RAPGEF2: variants seen among roughly 807,000 people sequenced by gnomAD.
RAPGEF2 encodes the protein Rap guanine nucleotide exchange factor 2.
A neutral mutation model predicts 186.7 loss-of-function variants in RAPGEF2; 54 were observed. The ratio of observed to expected loss-of-function variants is 0.29; its 90% CI spans 0.23 to 0.36. The LOEUF is 0.36. Ranked by LOEUF, RAPGEF2 falls within the 10% of genes least tolerant of loss-of-function variation. The pLI is 1.00. For missense variants in RAPGEF2, 1,532 were observed against 2,045.0 expected (o/e 0.75, Z 4.84); for synonymous variants, 712 against 705.9 (o/e 1.01, Z -0.14).
At chr4:159,290,513 A>T (rs1579786445) in intron 7 of RAPGEF2, among the ~76,000 whole-genome samples, 1 of 152,236 alleles carries the variant, frequency 6.6e-6, no homozygotes, top group East Asian at 1.9e-4. Flanking sequence ...GAAGTTGAGG[A>T]AGGTAAACCA....
At position 159,343,163 on chromosome 4, in the gene RAPGEF2, A is replaced by T. The variant is rs774347839; in HGVS notation, c.3103A>T (p.Lys1035Ter). Residue 1035 changes from lysine to a stop codon, truncating the protein, a stop_gained, in exon 21 of 30, where the codon AAA becomes TAA. Coordinates refer to ENST00000691494, the MANE Select transcript of RAPGEF2 (RefSeq NM_001394067.2). LOFTEE classifies it high-confidence loss of function. ...CATAATCCCTCTATTCCCAGTTATC[A>T]AAAAGGATCTCACCTTCCTTCACGA... The part of the protein sequence containing the change: ...PPIIPLFPVI[K>*]KDLTFLHEGN... The T allele has an allele frequency of 6.2e-7, 1 of 1,614,134 alleles. No homozygotes were observed. Among genetic ancestry groups the T allele is most frequent in the Non-Finnish European group, 8.5e-7 (1 of 1,179,960 alleles).
At chr4:159,247,703 G>A (rs996500842) in intron 7 of RAPGEF2, among the ~76,000 whole-genome samples, 2 of 151,530 alleles carry the variant, frequency 1.3e-5, no homozygotes, top group Admixed American at 6.6e-5. Context: ...AAGAATGAAA[G>A]GTGAGGGATT....
chr4:159,352,852 C>T lies in RAPGEF2; in HGVS notation c.4033C>T (p.Leu1345=). 1 of 1,614,188 alleles carries T rather than the reference C, an allele frequency of 6.2e-7. No individual in the cohort carries two copies. Residue 1345 remains leucine, a synonymous_variant, in exon 27 of 30, where the codon CTA becomes TTA. Transcript: ENST00000691494. ...RHSVSIVETN[L]GMGRMERRTM... is the part of the protein sequence containing the mutation. ...TTCTGTCAGCATCGTGGAAACAAAC[C>T]TAGGGATGGGCAGGATGGAGAGGCG...
chr4:159,263,724 G>A (rs1757130880), intron 7 of RAPGEF2, among the ~76,000 whole-genome samples: 1 of 151,952 alleles, frequency 6.6e-6, no homozygotes, highest in Admixed American at 6.6e-5. Context: ...TGAGATCTAT[G>A]GTTAAACACT....
chr4:159,198,924 A>C (rs1413129310), intron 3 of RAPGEF2, among the ~76,000 whole-genome samples: 1 of 151,826 alleles, frequency 6.6e-6, no homozygotes, highest in African/African-American at 2.4e-5. Flanking sequence ...TACTAAAAAT[A>C]CAAAAATTAG....
chr4:159,104,307 CCTT>C, intron 1 of RAPGEF2, 76 bp downstream of exon 1: 1 of 688,170 alleles, frequency 1.5e-6, no homozygotes, highest in Non-Finnish European at 2.2e-6. Context: ...CCCCCCACCT[CCTT>C]CCTGACACAG....
rs1767889719 is a variant in RAPGEF2, at chr4:159,339,202, G to A, written c.2382G>A (p.Val794=). The A allele has an allele frequency of 6.2e-7, 1 of 1,614,140 alleles. No individual in the cohort carries two copies. Among genetic ancestry groups the A allele is most frequent in the Non-Finnish European group, 8.5e-7 (1 of 1,180,010 alleles). ...GTAAGGACACTACAGCAAAGGAAGTGGTCATTCAGGCTATCAGGGAGTTTG... is the reference window on the plus strand; with the variant it reads ...GTAAGGACACTACAGCAAAGGAAGTAGTCATTCAGGCTATCAGGGAGTTTG... The part of the protein sequence containing the change: ...MISKDTTAKE[V]VIQAIREFAV... Residue 794 remains valine (V), a synonymous_variant, in exon 19 of 30, where the codon GTG becomes GTA. Transcript: ENST00000691494.
chr4:159,158,021 C>A (rs1393276371), intron 1 of RAPGEF2, among the ~76,000 whole-genome samples: 2 of 151,948 alleles, frequency 1.3e-5, no homozygotes, highest in Non-Finnish European at 2.9e-5. Context: ...GGGTGTACTT[C>A]TAATTTTGGT....
In RAPGEF2 at chr4:159,358,337, C is replaced by G. The variant is rs1447860973; in HGVS notation, c.*198C>G. 1 of 561,252 alleles carries G rather than the reference C, an allele frequency of 1.8e-6. No individual in the cohort carries two copies. The highest frequency in any genetic ancestry group is 3.1e-6 in the Non-Finnish European group (1 of 319,912). The allele number at this position is 561,252 out of a possible 1,614,324, so 34.8% of individuals were successfully genotyped here. On this transcript the variant is annotated 3_prime_UTR_variant, in exon 30 of 30. Transcript: ENST00000691494. ...ATGTGAAATACTGTGAAGAAATTGC[C>G]CTGGCACTTTTCAGACTTTGTTGCT...
chr4:159,258,788 A>G (rs549682550), intron 7 of RAPGEF2, among the ~76,000 whole-genome samples: 1 of 152,282 alleles, frequency 6.6e-6, no homozygotes, highest in South Asian at 2.1e-4. Flanking sequence ...CTTTGGATCA[A>G]ACTTGCAAAA....
chr4:159,270,128 T>C (rs944433731), intron 7 of RAPGEF2, among the ~76,000 whole-genome samples: 1 of 152,226 alleles, frequency 6.6e-6, no homozygotes, highest in Non-Finnish European at 1.5e-5. Context: ...TGGTTAGAAC[T>C]TGAAATACTA....
intron 9 of RAPGEF2, among the ~76,000 whole-genome samples, chr4:159,321,759 G>A (rs1765260596): frequency 6.6e-6 from 1 of 152,166 alleles, no homozygotes; most frequent in Non-Finnish European, 1.5e-5. Context: ...ATTCCCATAG[G>A]AAAGAAGAGT....
Position 159,264,585 on chromosome 4 carries a change from A to G in RAPGEF2, c.543+20794A>G, listed in dbSNP as rs74516434. On this transcript the variant is annotated intron_variant, in intron 7 of 29. Coordinates refer to ENST00000691494, the MANE Select transcript of RAPGEF2 (RefSeq NM_001394067.2). ...CATTTACTTTTTTTAAATTGTGATA[A>G]AATATAAGTAACATTAAAATTTACA... 6.6e-3 allele frequency among the ~76,000 whole-genome samples: 999 copies of G among 152,238 alleles called. 11 individuals carry two copies. The highest frequency in any genetic ancestry group is 0.019 in the East Asian group (98 of 5,188).
rs1560963465 is a variant in RAPGEF2, at chr4:159,104,135, G to GCGGC, written c.-26_-23dup. ...GGGAGGAGGCCGGCCAGGGTGCGGA[G>GCGGC]CGGCCCCGGCCCGCTCCCAGAGGGG... On this transcript the variant is annotated 5_prime_UTR_variant, in exon 1 of 30. Transcript: ENST00000691494. The GCGGC allele has an allele frequency of 6.8e-7, 1 of 1,475,842 alleles. No individual in the cohort carries two copies. The highest frequency in any genetic ancestry group is 2.1e-5 in the Admixed American group (1 of 47,178). 91.4% of individuals were successfully genotyped at this position (1,475,842 alleles called of 1,614,324 possible). A position where few individuals can be genotyped will look rare whatever the true frequency, so the allele number is the denominator to read the frequency against.
chr4:159,131,049 A>G (rs1031481506), intron 1 of RAPGEF2, among the ~76,000 whole-genome samples: 1 of 151,356 alleles, frequency 6.6e-6, no homozygotes, highest in Non-Finnish European at 1.5e-5. Context: ...CTCCAGGTTT[A>G]TTTGAAAATA....
chr4:159,201,498 A>G (rs1333306415), intron 3 of RAPGEF2, among the ~76,000 whole-genome samples: 1 of 152,248 alleles, frequency 6.6e-6, no homozygotes, highest in East Asian at 1.9e-4. Context: ...GGACGCCTAT[A>G]AAAGGATAGA....
chr4:159,354,120 T>G (rs912023302), intron 28 of RAPGEF2, 74 bp downstream of exon 28: 3 of 1,386,754 alleles, frequency 2.2e-6, no homozygotes, highest in African/African-American at 2.9e-5. Context: ...ATAGTAAAAT[T>G]ATGTGTTTGT....
chr4:159,142,864 G>A (rs1013655528), intron 1 of RAPGEF2, among the ~76,000 whole-genome samples: 3 of 152,224 alleles, frequency 2.0e-5, no homozygotes, highest in Middle Eastern at 3.4e-3. Flanking sequence ...TTGAAAGTGC[G>A]GTGATTTGTC....
At chr4:159,132,527 G>A (rs1483232378) in intron 1 of RAPGEF2, among the ~76,000 whole-genome samples, 2 of 152,176 alleles carry the variant, frequency 1.3e-5, no homozygotes, top group East Asian at 1.9e-4. Context: ...GATGAGCACC[G>A]TACTCCAGGA....
Sources: allele counts gnomAD v4.1 joint callset (sites outside exome capture counted in the v4.1 genomes callset), GRCh38; gene constraint gnomAD v4.1.1; transcripts MANE v1.5; gene names NCBI Gene and HGNC (gene_info 2026-07-23, HGNC 2026-07-21).